Variants in CAMTA1 observed in about 807,000 individuals in gnomAD.
CAMTA1 encodes calmodulin binding transcription activator 1.
Under a neutral mutation model 170.9 loss-of-function variants are expected in CAMTA1, and 27 were observed. The observed-to-expected ratio is 0.16, with a 90% confidence interval of 0.12 to 0.22. The LOEUF is 0.22. Among genes scored for constraint, CAMTA1 ranks in the 10% least tolerant of loss-of-function variants. CAMTA1 has a pLI of 1.00. For synonymous variants in CAMTA1, 833 were observed against 891.5 expected, an observed-to-expected ratio of 0.93 and a Z score of 1.17; for missense variants, 1,619 against 2,217.2, an observed-to-expected ratio of 0.73 and a Z score of 5.42.
chr1:7,575,859 G>C (rs578073652), intron 6 of CAMTA1, among the ~76,000 whole-genome samples: 3 of 152,294 alleles, frequency 2.0e-5, no homozygotes, highest in Non-Finnish European at 4.4e-5. Flanking sequence ...GCACTGCCAG[G>C]CAAGGCCATT....
chr1:7,093,751 G>A lies in CAMTA1; in HGVS notation c.302+2380G>A, dbSNP rs968642296. Among the ~76,000 whole-genome samples, 10 of 152,176 alleles carry A rather than the reference G, an allele frequency of 6.6e-5. No homozygotes were observed. In the East Asian group the frequency reaches 1.5e-3, roughly 24 times the overall value. ...CCCCACCCCGAGGCACAGGGTGTGT[G>A]CCTGGCAGAAGAAGGAAGGTGGGTT... is the stretch of plus-strand genomic sequence containing the variant. On this transcript the variant is annotated intron_variant, in intron 4 of 22. Transcript: ENST00000303635. The surrounding 1 kb of genome is among the most constrained non-coding windows in gnomAD (Gnocchi z 4.6).
chr1:7,620,251 C>T lies in CAMTA1; in HGVS notation c.511-20149C>T, dbSNP rs527300938. Reference sequence around the variant, plus strand: ...AAGACAATTTTTTGTCATCACCCTTCGAGTAATTTAGTCGTGGAGGCCAGA... The same window carrying T: ...AAGACAATTTTTTGTCATCACCCTTTGAGTAATTTAGTCGTGGAGGCCAGA... On this transcript the variant is annotated intron_variant, in intron 6 of 22. Coordinates refer to ENST00000303635, the MANE Select transcript of CAMTA1 (RefSeq NM_015215.4). 1.3e-3 allele frequency among the ~76,000 whole-genome samples: 194 copies of T among 152,292 alleles called. 1 individual carries two copies. Among genetic ancestry groups the T allele is most frequent in the South Asian group, 8.3e-3 (40 of 4,828 alleles).
At chr1:7,118,831 G>T (rs772403524) in intron 4 of CAMTA1, among the ~76,000 whole-genome samples, 36 of 152,192 alleles carry the variant, frequency 2.4e-4, no homozygotes, top group Non-Finnish European at 4.1e-4. Context: ...TGGAAGGGAG[G>T]GAAACACAAC....
chr1:7,103,829 CACAACT>C (rs1643163207), intron 4 of CAMTA1, among the ~76,000 whole-genome samples: 2 of 82,190 alleles, frequency 2.4e-5, no homozygotes, highest in African/African-American at 1.7e-4. Flanking sequence ...CACATGCACA[CACAACT>C]ACACACATGT....
In CAMTA1 at chr1:7,664,676, T is replaced by C. The variant is rs756434449; in HGVS notation, c.2129T>C (p.Leu710Pro). ...GSEVLLKSGE[L>P]QACSSEHYLQ... is the part of the protein sequence containing the mutation. ...GAGGTCCTGCTCAAGTCTGGGGAGCTGCAGGCTTGCAGCTCTGAGCACTAC... is the reference window on the plus strand; with the variant it reads ...GAGGTCCTGCTCAAGTCTGGGGAGCCGCAGGCTTGCAGCTCTGAGCACTAC... The change falls in exon 9 of 23, where the codon CTG becomes CCG. Residue 710 changes from leucine to proline, a missense_variant. By Grantham distance (98) the Leu-to-Pro change is moderately conservative (BLOSUM62 -3). Coordinates refer to ENST00000303635, the MANE Select transcript of CAMTA1 (RefSeq NM_015215.4). 1 of 1,604,728 alleles carries C rather than the reference T, an allele frequency of 6.2e-7. No individual in the cohort carries two copies. The highest frequency in any genetic ancestry group is 1.1e-5 in the South Asian group (1 of 90,898).
chr1:6,858,696 G>A (rs933338573), intron 3 of CAMTA1, among the ~76,000 whole-genome samples: 1 of 152,106 alleles, frequency 6.6e-6, no homozygotes, highest in African/African-American at 2.4e-5. Context: ...GTATTGACAG[G>A]CTGTAGCTCC....
At chr1:7,059,921 A>T (rs978514453) in intron 3 of CAMTA1, among the ~76,000 whole-genome samples, 1 of 152,170 alleles carries the variant, frequency 6.6e-6, no homozygotes, top group Non-Finnish European at 1.5e-5. Flanking sequence ...GGAGCAATCT[A>T]AGGCTCAGAC....
rs77635639 is a variant in CAMTA1, at chr1:7,633,836, C to T, written c.511-6564C>T. Among the ~76,000 whole-genome samples, 2 of 152,212 alleles carry T rather than the reference C, an allele frequency of 1.3e-5. No homozygotes were observed. The highest frequency in any genetic ancestry group is 1.5e-5 in the Non-Finnish European group (1 of 68,048). ...TGAGAGATTAGTGCTGCAAAGACAGCGAGGCGGGAACCAGGCAAGGTGGGC... is the reference window on the plus strand; with the variant it reads ...TGAGAGATTAGTGCTGCAAAGACAGTGAGGCGGGAACCAGGCAAGGTGGGC... On this transcript the variant is annotated intron_variant, in intron 6 of 22. Coordinates refer to ENST00000303635, the MANE Select transcript of CAMTA1 (RefSeq NM_015215.4). This position sits in a 1 kb window ranked among gnomAD's most constrained non-coding sequence, Gnocchi z 4.1.
chr1:7,716,055 CAG>C (rs2096607454), intron 11 of CAMTA1, among the ~76,000 whole-genome samples: 2 of 152,276 alleles, frequency 1.3e-5, no homozygotes, highest in South Asian at 4.1e-4. Context: ...GTTTTTGAAA[CAG>C]GGTCTCACTC....
intron 4 of CAMTA1, among the ~76,000 whole-genome samples, chr1:7,189,800 A>G (rs1288932079): frequency 1.3e-5 from 2 of 152,230 alleles, no homozygotes; most frequent in East Asian, 1.9e-4. Flanking sequence ...CCCAGAGGAA[A>G]GGAAGTCATT....
At chr1:7,388,487 A>G (rs2088275783) in intron 5 of CAMTA1, 1 of 152,280 alleles carries the variant, frequency 6.6e-6, no homozygotes, top group Non-Finnish European at 1.5e-5. Flanking sequence ...CCTGATTTCA[A>G]ACGTCCCTGT....
intron 6 of CAMTA1, among the ~76,000 whole-genome samples, chr1:7,582,972 G>T (rs1043962492): frequency 6.6e-6 from 1 of 151,904 alleles, no homozygotes; most frequent in African/African-American, 2.4e-5. Context: ...CTAGCTGCTG[G>T]GTGTAAAAGA....
At chr1:7,541,951 G>A (rs928074799) in intron 6 of CAMTA1, among the ~76,000 whole-genome samples, 3 of 152,100 alleles carry the variant, frequency 2.0e-5, no homozygotes, top group Non-Finnish European at 2.9e-5. Flanking sequence ...CTGCTTCCTC[G>A]GCGTTCCTCC....
At chr1:7,744,213 C>A (rs1473168932) in intron 16 of CAMTA1, among the ~76,000 whole-genome samples, 1 of 147,446 alleles carries the variant, frequency 6.8e-6, no homozygotes, top group East Asian at 2.1e-4. Flanking sequence ...TTCACTGCAA[C>A]CTCCACCTCC....
At chr1:7,227,860 C>T (rs1397983151) in intron 4 of CAMTA1, among the ~76,000 whole-genome samples, 1 of 139,122 alleles carries the variant, frequency 7.2e-6, no homozygotes, top group Admixed American at 6.7e-5. Flanking sequence ...ACTCCTCACC[C>T]AGGGCCCCTG....
chr1:7,550,712 GGCCCCTCCCCCTGACTCCTCCCC>G (rs2094788012), intron 6 of CAMTA1, among the ~76,000 whole-genome samples: 1 of 140,620 alleles, frequency 7.1e-6, no homozygotes, highest in Non-Finnish European at 1.5e-5. Context: ...TCTCCTACCT[GGCCCCTCCCCCTGACTCCTCCCC>G]ACTGAACCCT....
intron 6 of CAMTA1, among the ~76,000 whole-genome samples, chr1:7,498,825 G>T (rs1431176352): frequency 6.7e-6 from 1 of 150,362 alleles, no homozygotes. Context: ...AGAGAGGATG[G>T]TGTGAGCCTG....
At chr1:7,315,366 T>C (rs1214395430) in intron 5 of CAMTA1, among the ~76,000 whole-genome samples, 1 of 152,238 alleles carries the variant, frequency 6.6e-6, no homozygotes, top group Non-Finnish European at 1.5e-5. Flanking sequence ...TTCTTTTCTA[T>C]GCAAAGGATT....
At chr1:6,893,965 T>C (rs1170845949) in intron 3 of CAMTA1, among the ~76,000 whole-genome samples, 1 of 152,254 alleles carries the variant, frequency 6.6e-6, no homozygotes, top group African/African-American at 2.4e-5. Context: ...TTCTTTCCTT[T>C]CCTTTCTCCT....
Sources: gnomAD v4.1 joint callset for allele counts (sites outside exome capture counted in the v4.1 genomes callset) on GRCh38, gnomAD v4.1.1 for gene constraint, Gnocchi (gnomAD v3.1) non-coding constraint, MANE v1.5 for transcripts, NCBI Gene and HGNC (gene_info 2026-07-23, HGNC 2026-07-21) for gene names.